Variants in MARK2 observed in about 807,000 individuals in gnomAD.
The protein encoded by MARK2 is serine/threonine-protein kinase MARK2.
A neutral mutation model predicts 89.8 loss-of-function variants in MARK2; 16 were observed. The ratio of observed to expected loss-of-function variants is 0.18; its 90% CI spans 0.12 to 0.27. The LOEUF is 0.27. Among genes scored for constraint, MARK2 ranks in the 10% least tolerant of loss-of-function variants. The pLI, the probability that MARK2 is intolerant of heterozygous loss-of-function variation, is 1.00. For synonymous variants in MARK2, 382 were observed against 399.5 expected (o/e 0.96, Z 0.52); for missense variants, 621 against 1,049.9 (o/e 0.59, Z 5.65).
chr11:63,853,032 C>T lies in MARK2; in HGVS notation c.54+13472C>T, dbSNP rs141898781. Among the ~76,000 whole-genome samples, 953 of 152,318 alleles carry T rather than the reference C, an allele frequency of 6.3e-3. 16 individuals are homozygous for T. Among genetic ancestry groups the T allele is most frequent in the African/African-American group, 0.022 (913 of 41,564 alleles). Reference sequence around the variant, plus strand: ...AATGAAGTCTTGAACAGCTGACATTCCTGAATGCCCACTGGATGAAAAGTC... The same window carrying T: ...AATGAAGTCTTGAACAGCTGACATTTCTGAATGCCCACTGGATGAAAAGTC... On this transcript the variant is annotated intron_variant, in intron 1 of 18. Coordinates refer to ENST00000402010, the MANE Select transcript of MARK2 (RefSeq NM_001039469.3).
At chr11:63,886,207 A>T (rs1939390446) in intron 1 of MARK2, among the ~76,000 whole-genome samples, 1 of 151,620 alleles carries the variant, frequency 6.6e-6, no homozygotes, top group African/African-American at 2.4e-5. Flanking sequence ...GCTCACTGTT[A>T]CCTCCACCTC....
chr11:63,893,391 T>C (rs529565527), intron 1 of MARK2, among the ~76,000 whole-genome samples: 1 of 152,174 alleles, frequency 6.6e-6, no homozygotes, highest in East Asian at 1.9e-4. Flanking sequence ...TATATTCTTT[T>C]TTACTGCCAA....
intron 1 of MARK2, chr11:63,869,206 C>CCCCTCACCCCACCCA (rs1938307709): frequency 5.3e-6 from 1 of 190,174 alleles, no homozygotes; most frequent in African/African-American, 2.4e-5. Context: ...TCCCTGCTCC[C>CCCCTCACCCCACCCA]CCCTCACCCC....
chr11:63,854,672 T>A (rs2016751007), intron 1 of MARK2, among the ~76,000 whole-genome samples: 1 of 151,692 alleles, frequency 6.6e-6, no homozygotes, highest in Non-Finnish European at 1.5e-5. Flanking sequence ...CTGTCTCTAC[T>A]AAAAATACAA....
At chr11:63,856,275 C>T (rs2016830298) in intron 1 of MARK2, among the ~76,000 whole-genome samples, 2 of 143,984 alleles carry the variant, frequency 1.4e-5, no homozygotes, top group African/African-American at 5.1e-5. Flanking sequence ...AACTGATTTC[C>T]TCCTTCTGAT....
chr11:63,907,102 C>A (rs941297045), intron 17 of MARK2, among the ~76,000 whole-genome samples: 2 of 152,132 alleles, frequency 1.3e-5, no homozygotes, highest in African/African-American at 4.8e-5. Context: ...AGCTGAAGAC[C>A]AAGGGCCAGG....
rs754529752 is a variant in MARK2, at chr11:63,895,627, C to T, written c.282C>T (p.Leu94=). 3 of 1,607,368 alleles carry T rather than the reference C, an allele frequency of 1.9e-6. No homozygotes were observed. In the African/African-American group the frequency reaches 4.1e-5, roughly 22 times the overall value. Residue 94 remains leucine, a synonymous_variant, in exon 3 of 19, where the codon CTC becomes CTT. Transcript: ENST00000402010. ...AGACTCAACTGAACTCCTCCAGCCTCCAGAAAGTAAGCACATGGCACCTCC... is the reference window on the plus strand; with the variant it reads ...AGACTCAACTGAACTCCTCCAGCCTTCAGAAAGTAAGCACATGGCACCTCC... ...IDKTQLNSSS[L]QKLFREVRIM...
intron 1 of MARK2, among the ~76,000 whole-genome samples, chr11:63,877,704 G>A (rs1309674865): frequency 6.6e-6 from 1 of 152,030 alleles, no homozygotes; most frequent in African/African-American, 2.4e-5. Context: ...CAAAAAAAAA[G>A]TGCTTTTTAA....
intron 16 of MARK2, 146 bp downstream of exon 16, chr11:63,905,189 G>T: frequency 1.1e-6 from 1 of 943,660 alleles, no homozygotes. Flanking sequence ...GGAAGCACAA[G>T]AAATTAGGTC....
At chr11:63,866,393 C>G (rs1286247019) in intron 1 of MARK2, among the ~76,000 whole-genome samples, 1 of 151,962 alleles carries the variant, frequency 6.6e-6, no homozygotes, top group Non-Finnish European at 1.5e-5. Flanking sequence ...AGCAAACACC[C>G]TGCCTTTCTT....
chr11:63,874,240 A>G (rs556227034), intron 1 of MARK2, among the ~76,000 whole-genome samples: 1 of 152,308 alleles, frequency 6.6e-6, no homozygotes, highest in South Asian at 2.1e-4. Flanking sequence ...GCACCTAAAA[A>G]CAATTACTTT....
intron 1 of MARK2, among the ~76,000 whole-genome samples, chr11:63,847,114 C>A (rs1434323868): frequency 6.6e-6 from 1 of 152,158 alleles, no homozygotes; most frequent in African/African-American, 2.4e-5. Context: ...CAGAGTGAGA[C>A]CCCATCTCAA....
rs938681444 is a variant in MARK2 at position 63,908,298 on chromosome 11, C to T, written c.2000C>T (p.Thr667Met). The change falls in exon 18 of 19, where the codon ACG becomes ATG. Residue 667 changes from threonine to methionine, a missense_variant. Transcript: ENST00000402010. ...NEPESKDRVE[T>M]LRPHVVGSGG... ...CCTGAAAGCAAAGACCGAGTGGAGA[C>T]GCTCAGGTGAGAGGGCTGGAGCCAG... is the stretch of plus-strand genomic sequence containing the variant. The T allele has an allele frequency of 1.9e-6, 3 of 1,562,940 alleles. No individual in the cohort carries two copies. The highest frequency in any genetic ancestry group is 1.2e-5 in the South Asian group (1 of 85,054).
At chr11:63,863,303 G>T (rs1350289681) in intron 1 of MARK2, among the ~76,000 whole-genome samples, 1 of 152,068 alleles carries the variant, frequency 6.6e-6, no homozygotes, top group Non-Finnish European at 1.5e-5. Context: ...TAGTGGGAAT[G>T]GTTGCTTTAT....
In MARK2 at chr11:63,902,111, A is replaced by G. The variant is rs1940944497; in HGVS notation, c.1102-87A>G. ...GATCCTGGGGTGTTTGAGTGTTGGG[A>G]GAGGGCGGTATGTGTAAATGTGTCC... On this transcript the variant is annotated intron_variant, in intron 11 of 18. Transcript: ENST00000402010. The surrounding 1 kb of genome is among the most constrained non-coding windows in gnomAD (Gnocchi z 4.2). 6.9e-7 allele frequency: 1 copy of G among 1,450,676 alleles called. No homozygotes were observed. The highest frequency in any genetic ancestry group is 1.4e-5 in the African/African-American group (1 of 71,292). 89.9% of individuals were successfully genotyped at this position (1,450,676 alleles called of 1,614,324 possible).
chr11:63,904,949 G>A lies in MARK2; in HGVS notation c.1840G>A (p.Gly614Ser), dbSNP rs199753298. ...QVRDQQNLPY[G>S]VTPASPSGHS... ...GCGGGACCAGCAGAATTTGCCCTAC[G>A]GTGTGACCCCAGCCTCTCCCTCTGG... Residue 614 changes from glycine to serine, a missense_variant, in exon 16 of 19, where the codon GGT becomes AGT. Gly to Ser is a moderately conservative substitution (Grantham distance 56, BLOSUM62 0). This residue lies in a region of MARK2 where 397 missense variants were observed against 567.8 expected (regional missense o/e 0.70). Transcript: ENST00000402010. The surrounding 1 kb of genome is among the most constrained non-coding windows in gnomAD (Gnocchi z 6.3). 2.1e-4 allele frequency: 337 copies of A among 1,614,188 alleles called. 1 individual carries two copies. The highest frequency in any genetic ancestry group is 2.6e-4 in the Non-Finnish European group (308 of 1,180,044).
intron 1 of MARK2, among the ~76,000 whole-genome samples, chr11:63,880,923 A>G (rs967899337): frequency 1.3e-5 from 2 of 152,220 alleles, no homozygotes; most frequent in African/African-American, 4.8e-5. Flanking sequence ...AGACATCGCA[A>G]AATGTTTTCT....
rs906100718 is a variant in MARK2 at position 63,893,030 on chromosome 11, T to C, written c.55-2129T>C. On this transcript the variant is annotated intron_variant, in intron 1 of 18. Coordinates refer to ENST00000402010, the MANE Select transcript of MARK2 (RefSeq NM_001039469.3). ...TTCAAGCAATTCTCCTGCCTCAGCC[T>C]CCCTAGTAGCTGGGATTACAGGCAC... 2.0e-5 allele frequency among the ~76,000 whole-genome samples: 3 copies of C among 150,542 alleles called. No homozygotes were observed. In the East Asian group the frequency reaches 6.0e-4, roughly 30 times the overall value.
chr11:63,896,466 T>C (rs1309162825), intron 3 of MARK2, among the ~76,000 whole-genome samples: 1 of 152,238 alleles, frequency 6.6e-6, no homozygotes, highest in East Asian at 1.9e-4. Context: ...GTTCTGTTCA[T>C]CTTGTGGCAA....
Sources: allele counts gnomAD v4.1 joint callset (sites outside exome capture counted in the v4.1 genomes callset), GRCh38; gene constraint gnomAD v4.1.1; regional missense constraint gnomAD v4.1.1; non-coding constraint Gnocchi (gnomAD v3.1); transcripts MANE v1.5; gene names NCBI Gene and HGNC (gene_info 2026-07-23, HGNC 2026-07-21).